The following NT5DC1 variants were observed in gnomAD, a reference collection of about 807,000 sequenced individuals.
NT5DC1 encodes 5'-nucleotidase domain containing 1.
A neutral mutation model predicts 59.4 loss-of-function variants in NT5DC1; 42 were observed. The ratio of observed to expected loss-of-function variants is 0.71; its 90% CI spans 0.55 to 0.92. The LOEUF is 0.92. Ranked by LOEUF, NT5DC1 falls within the 40% of genes least tolerant of loss-of-function variation. The probability of loss-of-function intolerance (pLI) is 0.00; values close to 1 mark genes in which losing one functional copy is unlikely to be tolerated. For synonymous variants in NT5DC1, 172 were observed against 188.1 expected (o/e 0.91, Z 0.70); for missense variants, 501 against 537.1 (o/e 0.93, Z 0.66).
At chr6:116,188,359 T>C (rs949128160) in intron 6 of NT5DC1, among the ~76,000 whole-genome samples, 2 of 152,058 alleles carry the variant, frequency 1.3e-5, no homozygotes, top group Non-Finnish European at 2.9e-5. Context: ...TCCAGAATGT[T>C]CTTAGTGGCA....
At chr6:116,231,732 C>T (rs1036101342) in intron 8 of NT5DC1, among the ~76,000 whole-genome samples, 5 of 152,122 alleles carry the variant, frequency 3.3e-5, no homozygotes, top group Admixed American at 1.3e-4. Flanking sequence ...ACCCACATGT[C>T]TATCTATAGA....
chr6:116,177,472 T>C (rs565991907), intron 6 of NT5DC1, among the ~76,000 whole-genome samples: 4 of 152,166 alleles, frequency 2.6e-5, no homozygotes, highest in Non-Finnish European at 4.4e-5. Flanking sequence ...TTCATGAGCT[T>C]TCTTCTCTTT....
At chr6:116,173,921 C>A (rs1780674829) in intron 6 of NT5DC1, among the ~76,000 whole-genome samples, 1 of 152,182 alleles carries the variant, frequency 6.6e-6, no homozygotes, top group Admixed American at 6.5e-5. Context: ...TAATCCCATT[C>A]AGGATACCAC....
At chr6:116,188,040 T>G (rs1360311452) in intron 6 of NT5DC1, among the ~76,000 whole-genome samples, 2 of 152,014 alleles carry the variant, frequency 1.3e-5, no homozygotes, top group Non-Finnish European at 2.9e-5. Flanking sequence ...ACAAAAGTCT[T>G]GACAGGCAGT....
At chr6:116,111,441 A>T (rs1438980222) in intron 4 of NT5DC1, among the ~76,000 whole-genome samples, 2 of 152,352 alleles carry the variant, frequency 1.3e-5, no homozygotes, top group African/African-American at 4.8e-5. Context: ...ACTGCCTTTA[A>T]AGAGTTTCAC....
intron 4 of NT5DC1, 101 bp from the exon 5 acceptor site, chr6:116,115,590 A>G: frequency 1.9e-6 from 1 of 531,446 alleles, no homozygotes; most frequent in Non-Finnish European, 3.4e-6. Context: ...GCTTCTTCAG[A>G]TAATTAAACA....
At chr6:116,207,279 G>T (rs1302506455) in intron 6 of NT5DC1, among the ~76,000 whole-genome samples, 4 of 143,964 alleles carry the variant, frequency 2.8e-5, no homozygotes, top group African/African-American at 1.1e-4. Flanking sequence ...TTCTGTACCT[G>T]CATTTCCTTT....
At chr6:116,140,553 ATT>A (rs2114363087) in intron 6 of NT5DC1, among the ~76,000 whole-genome samples, 1 of 152,246 alleles carries the variant, frequency 6.6e-6, no homozygotes, top group Admixed American at 6.5e-5. Flanking sequence ...GAAACTTAAC[ATT>A]AGCATTCTTT....
At chr6:116,200,551 A>C (rs574117051) in intron 6 of NT5DC1, among the ~76,000 whole-genome samples, 9 of 152,188 alleles carry the variant, frequency 5.9e-5, no homozygotes, top group African/African-American at 2.2e-4. Flanking sequence ...CTAAAATTAA[A>C]ATTTTATTTT....
chr6:116,120,576 CTGGAGG>C, intron 6 of NT5DC1: 7 of 1,601,590 alleles, frequency 4.4e-6, no homozygotes, highest in Non-Finnish European at 4.3e-6. Context: ...CCTGGTGGGC[CTGGAGG>C]CCCAGGGGGC....
chr6:116,224,902 C>A (rs185959351), intron 8 of NT5DC1, among the ~76,000 whole-genome samples: 29 of 152,216 alleles, frequency 1.9e-4, no homozygotes, highest in African/African-American at 7.0e-4. Context: ...GCAACTGCAG[C>A]GTCCCTAGTA....
chr6:116,243,318 C>T (rs1771772825), intron 11 of NT5DC1, among the ~76,000 whole-genome samples: 1 of 152,040 alleles, frequency 6.6e-6, no homozygotes, highest in Non-Finnish European at 1.5e-5. Flanking sequence ...AATTTTTATT[C>T]AGATAAGCTT....
Position 116,148,647 on chromosome 6 carries a change from A to G in NT5DC1, c.529+30702A>G, listed in dbSNP as rs183123940. 2.0e-5 allele frequency among the ~76,000 whole-genome samples: 3 copies of G among 152,296 alleles called. No individual in the cohort carries two copies. The East Asian group carries it at 5.8e-4, about 29-fold the overall frequency. Reference sequence around the variant, plus strand: ...GGTTTTTTTTGGTTAAGAAATGACTAAAGTTGGATGGTTTATATAACAACG... The same window carrying G: ...GGTTTTTTTTGGTTAAGAAATGACTGAAGTTGGATGGTTTATATAACAACG... On this transcript the variant is annotated intron_variant, in intron 6 of 11. Coordinates refer to ENST00000319550, the MANE Select transcript of NT5DC1 (RefSeq NM_152729.3).
At position 116,246,134 on chromosome 6, in the gene NT5DC1, G is replaced by A. The variant is rs1771842408; in HGVS notation, c.*2110G>A. On this transcript the variant is annotated 3_prime_UTR_variant, in exon 12 of 12. Transcript: ENST00000319550. The stretch of plus-strand genomic sequence containing the variant: ...AAATTAAAAAGAAAATATTAAAGAA[G>A]TTATATGAAGCAAAAAAATTGTATA... 6.6e-6 allele frequency: 1 copy of A among 152,068 alleles called. No individual in the cohort carries two copies. The highest frequency in any genetic ancestry group is 1.5e-5 in the Non-Finnish European group (1 of 67,980). The allele number at this position is 152,068 out of a possible 1,614,324, so 9.4% of individuals were successfully genotyped here. A position where few individuals can be genotyped will look rare whatever the true frequency, so the allele number is the denominator to read the frequency against.
At chr6:116,199,809 A>G (rs1389027170) in intron 6 of NT5DC1, among the ~76,000 whole-genome samples, 1 of 152,104 alleles carries the variant, frequency 6.6e-6, no homozygotes. Context: ...TAAAATAACC[A>G]TCAATGAGTC....
chr6:116,226,396 G>A (rs1050487678), intron 8 of NT5DC1, among the ~76,000 whole-genome samples: 5 of 151,798 alleles, frequency 3.3e-5, no homozygotes, highest in East Asian at 1.9e-4. Flanking sequence ...AAAACTGCAC[G>A]TTAAAAATAT....
At chr6:116,141,533 C>T (rs1308191753) in intron 6 of NT5DC1, among the ~76,000 whole-genome samples, 1 of 151,984 alleles carries the variant, frequency 6.6e-6, no homozygotes, top group Non-Finnish European at 1.5e-5. Context: ...AAAAACGTGG[C>T]ACCCTTGTGA....
At position 116,115,156 on chromosome 6, in the gene NT5DC1, G is replaced by T. The variant is rs141815069; in HGVS notation, c.365-535G>T. Among the ~76,000 whole-genome samples the T allele has an allele frequency of 4.6e-5, 7 of 152,256 alleles. No individual in the cohort carries two copies. In the East Asian group the frequency reaches 1.4e-3, roughly 29 times the overall value. ...GAATATACCTGTCCTATACTCTACA[G>T]TTTTTAAGCACACTGTGTCTTCACA... On this transcript the variant is annotated intron_variant, in intron 4 of 11. Coordinates refer to ENST00000319550, the MANE Select transcript of NT5DC1 (RefSeq NM_152729.3).
In NT5DC1 at chr6:116,167,646, C is replaced by T. The variant is rs568885778; in HGVS notation, c.529+49701C>T. Among the ~76,000 whole-genome samples the T allele has an allele frequency of 1.1e-4, 17 of 151,986 alleles. No homozygotes were observed. In the East Asian group the frequency reaches 2.9e-3, roughly 26 times the overall value. On this transcript the variant is annotated intron_variant, in intron 6 of 11. Transcript: ENST00000319550. ...CTTCCTTCTTTTCTTACCCTTCTAC[C>T]CTTCGTTAGTTTTTAATTTGTTTGA... is the stretch of plus-strand genomic sequence containing the variant.
Sources: allele counts gnomAD v4.1 joint callset (sites outside exome capture counted in the v4.1 genomes callset), GRCh38; gene constraint gnomAD v4.1.1; transcripts MANE v1.5; gene names NCBI Gene and HGNC (gene_info 2026-07-23, HGNC 2026-07-21).